The following SCAMP1 variants were observed in gnomAD, a reference collection of about 807,000 sequenced individuals.
SCAMP1 encodes secretory carrier membrane protein 1.
A neutral mutation model predicts 41.8 loss-of-function variants in SCAMP1; 15 were observed. The observed-to-expected ratio is 0.36, with a 90% confidence interval of 0.24 to 0.55. The LOEUF (loss-of-function observed/expected upper bound fraction) is 0.55. Among genes scored for constraint, SCAMP1 ranks in the 20% least tolerant of loss-of-function variants. SCAMP1 has a pLI of 0.86. For synonymous variants in SCAMP1, 135 were observed against 136.8 expected, an observed-to-expected ratio of 0.99 and a Z score of 0.09; for missense variants, 341 against 412.6, an observed-to-expected ratio of 0.83 and a Z score of 1.50.
At chr5:78,445,628 C>T (rs1753035210) in intron 6 of SCAMP1, among the ~76,000 whole-genome samples, 1 of 151,848 alleles carries the variant, frequency 6.6e-6, no homozygotes, top group African/African-American at 2.4e-5. Flanking sequence ...TCTTCTTCCC[C>T]TGATGATGTA....
At chr5:78,416,497 T>C (rs766345324) in intron 3 of SCAMP1, 44 bp from the exon 4 acceptor site, 1 of 1,410,262 alleles carries the variant, frequency 7.1e-7, no homozygotes, top group Non-Finnish European at 9.7e-7. Flanking sequence ...TAAAGTATTT[T>C]ATACTTCTGA....
At chr5:78,452,546 C>G (rs1488000992) in intron 7 of SCAMP1, among the ~76,000 whole-genome samples, 1 of 138,878 alleles carries the variant, frequency 7.2e-6, no homozygotes. Context: ...GCATAGTATT[C>G]CATGGTGTAT....
intron 1 of SCAMP1, among the ~76,000 whole-genome samples, chr5:78,370,272 A>C (rs1750910964): frequency 6.6e-6 from 1 of 152,184 alleles, no homozygotes; most frequent in Non-Finnish European, 1.5e-5. Flanking sequence ...ATACTTGCAA[A>C]TATTGTAAGA....
chr5:78,434,329 G>T (rs2112173225), intron 6 of SCAMP1, among the ~76,000 whole-genome samples: 1 of 152,248 alleles, frequency 6.6e-6, no homozygotes, highest in South Asian at 2.1e-4. Flanking sequence ...AGTTATTTTT[G>T]GGGTTGTTTG....
chr5:78,436,906 G>T (rs1490387473), intron 6 of SCAMP1, among the ~76,000 whole-genome samples: 3 of 152,142 alleles, frequency 2.0e-5, no homozygotes, highest in Admixed American at 2.0e-4. Context: ...TCGTTGAGCA[G>T]TGGTTTGTAG....
In SCAMP1 at chr5:78,360,679, A is replaced by T; in HGVS notation, c.8A>T (p.Asp3Val). The part of the protein sequence containing the change: MS[D>V]FDSNPFADPD... ...ACGCCGAGAGCCAGAGAGATGTCGGATTTCGACAGTAACCCGTTTGCCGAC... is the reference window on the plus strand; with the variant it reads ...ACGCCGAGAGCCAGAGAGATGTCGGTTTTCGACAGTAACCCGTTTGCCGAC... The change falls in exon 1 of 9, where the codon GAT (aspartate) becomes GTT (valine). Residue 3 changes from aspartate (D) to valine (V), a missense_variant. By Grantham distance (152) the Asp-to-Val change is radical. Transcript: ENST00000621999. The T allele has an allele frequency of 6.2e-7, 1 of 1,610,060 alleles. No homozygotes were observed. Among genetic ancestry groups the T allele is most frequent in the Non-Finnish European group, 8.5e-7 (1 of 1,178,454 alleles).
chr5:78,394,092 G>A (rs1468541171), intron 2 of SCAMP1, among the ~76,000 whole-genome samples: 1 of 152,128 alleles, frequency 6.6e-6, no homozygotes. Flanking sequence ...CTGTCACATA[G>A]AGCAGAGAGA....
intron 8 of SCAMP1, among the ~76,000 whole-genome samples, chr5:78,467,964 T>G (rs1753787209): frequency 6.6e-6 from 1 of 152,160 alleles, no homozygotes; most frequent in Non-Finnish European, 1.5e-5. Context: ...TCAAGAACAG[T>G]TAATGCCCTC....
chr5:78,442,196 A>G (rs1409229194), intron 6 of SCAMP1, among the ~76,000 whole-genome samples: 1 of 152,224 alleles, frequency 6.6e-6, no homozygotes, highest in Non-Finnish European at 1.5e-5. Context: ...TGAAAACTCA[A>G]ACTTGTACTG....
intron 7 of SCAMP1, among the ~76,000 whole-genome samples, chr5:78,457,420 G>A (rs1412165230): frequency 6.6e-6 from 1 of 152,002 alleles, no homozygotes; most frequent in Non-Finnish European, 1.5e-5. Flanking sequence ...ACCCTCAGCT[G>A]CAGGTCTGTT....
At chr5:78,381,909 G>A (rs1751213990) in intron 1 of SCAMP1, among the ~76,000 whole-genome samples, 1 of 152,174 alleles carries the variant, frequency 6.6e-6, no homozygotes, top group African/African-American at 2.4e-5. Context: ...TATAGTTTGT[G>A]TAGAGCCTCT....
At chr5:78,421,775 T>G in intron 5 of SCAMP1, 26 bp from the exon 6 acceptor site, 1 of 1,571,548 alleles carries the variant, frequency 6.4e-7, no homozygotes, top group Non-Finnish European at 8.6e-7. Context: ...ATCTTTCTTT[T>G]TCTATTTTGT....
intron 2 of SCAMP1, among the ~76,000 whole-genome samples, chr5:78,389,219 TTCTTGGTA>T (rs1358617792): frequency 6.6e-6 from 1 of 152,200 alleles, no homozygotes; most frequent in Admixed American, 6.5e-5. Flanking sequence ...AGAGAAATAT[TTCTTGGTA>T]TACATGTTGT....
At chr5:78,472,481 A>G (rs1027550483) in intron 8 of SCAMP1, among the ~76,000 whole-genome samples, 3 of 152,104 alleles carry the variant, frequency 2.0e-5, no homozygotes, top group Admixed American at 6.6e-5. Context: ...TGAATTATTA[A>G]TAGATACCAT....
At chr5:78,390,659 T>G (rs556961101) in intron 2 of SCAMP1, among the ~76,000 whole-genome samples, 303 of 147,084 alleles carry the variant, frequency 2.1e-3, no homozygotes, top group African/African-American at 7.0e-3. Context: ...TTTTTTTTCT[T>G]TTTTTTTTTT....
intron 2 of SCAMP1, among the ~76,000 whole-genome samples, chr5:78,391,880 G>A (rs536991658): frequency 9.2e-5 from 14 of 152,296 alleles, no homozygotes; most frequent in African/African-American, 2.6e-4. Flanking sequence ...GGCGGCGCGC[G>A]CCTGCAATCG....
chr5:78,473,274 G>A (rs1386881889), intron 8 of SCAMP1, among the ~76,000 whole-genome samples: 2 of 151,932 alleles, frequency 1.3e-5, no homozygotes, highest in Non-Finnish European at 2.9e-5. Flanking sequence ...GGGCTGTGTG[G>A]GTTATTTTTG....
At chr5:78,373,581 C>G (rs1049350060) in intron 1 of SCAMP1, among the ~76,000 whole-genome samples, 1 of 152,228 alleles carries the variant, frequency 6.6e-6, no homozygotes. Flanking sequence ...GTTCTTTGCC[C>G]TACTGATTGC....
chr5:78,461,320 A>G (rs1424982436), intron 8 of SCAMP1, among the ~76,000 whole-genome samples: 8 of 152,190 alleles, frequency 5.3e-5, no homozygotes, highest in East Asian at 1.9e-4. Context: ...TTTTACATTT[A>G]AGTCTTCAAT....
Sources: gnomAD v4.1 joint callset for allele counts (sites outside exome capture counted in the v4.1 genomes callset) on GRCh38, gnomAD v4.1.1 for gene constraint, MANE v1.5 for transcripts, NCBI Gene and HGNC (gene_info 2026-07-23, HGNC 2026-07-21) for gene names.